Variants in AFF3 observed in about 807,000 individuals in gnomAD.
The protein encoded by AFF3 is AF4/FMR2 family member 3.
In AFF3, 32 loss-of-function variants were observed where a neutral mutation model predicts 129.7. The ratio of observed to expected loss-of-function variants is 0.25; its 90% CI spans 0.19 to 0.33. The LOEUF (loss-of-function observed/expected upper bound fraction) is 0.33. Ranked by LOEUF, AFF3 falls within the 10% of genes least tolerant of loss-of-function variation. The pLI, the probability that AFF3 is intolerant of heterozygous loss-of-function variation, is 1.00. For missense variants in AFF3, 1,373 were observed against 1,592.0 expected (o/e 0.86, Z 2.34); for synonymous variants, 644 against 635.4 (o/e 1.01, Z -0.20).
At chr2:99,750,423 T>C (rs1298900659) in intron 9 of AFF3, among the ~76,000 whole-genome samples, 7 of 149,184 alleles carry the variant, frequency 4.7e-5, no homozygotes, top group Non-Finnish European at 8.9e-5. Flanking sequence ...CTTTTCTTTT[T>C]TTTTTTTTTG....
At chr2:100,017,357 T>C (rs1388204327) in intron 4 of AFF3, among the ~76,000 whole-genome samples, 2 of 152,176 alleles carry the variant, frequency 1.3e-5, no homozygotes, top group Admixed American at 6.5e-5. Flanking sequence ...CCCCTTTTAC[T>C]TGTTTGTCTC....
chr2:99,657,812 C>G (rs1164595330), intron 12 of AFF3, among the ~76,000 whole-genome samples: 2 of 152,152 alleles, frequency 1.3e-5, no homozygotes, highest in Non-Finnish European at 1.5e-5. Flanking sequence ...TTAGGGTTGA[C>G]CATACCAGAT....
chr2:99,816,495 C>T (rs1244469387), intron 8 of AFF3, among the ~76,000 whole-genome samples: 1 of 152,170 alleles, frequency 6.6e-6, no homozygotes, highest in Non-Finnish European at 1.5e-5. Context: ...TGCCTTCCTC[C>T]TCTGTTAGTT....
At chr2:100,045,387 A>G (rs769513427) in intron 4 of AFF3, among the ~76,000 whole-genome samples, 1 of 152,176 alleles carries the variant, frequency 6.6e-6, no homozygotes, top group Non-Finnish European at 1.5e-5. Flanking sequence ...CTTAATAAGA[A>G]CAGCAGCTCC....
chr2:100,044,039 A>C (rs1273137828), intron 4 of AFF3, among the ~76,000 whole-genome samples: 1 of 152,152 alleles, frequency 6.6e-6, no homozygotes, highest in Admixed American at 6.5e-5. Flanking sequence ...CTCCATCTCT[A>C]GTAATTAGAG....
intron 9 of AFF3, among the ~76,000 whole-genome samples, chr2:99,749,258 TTAAA>T (rs1196620205): frequency 2.2e-4 from 34 of 152,252 alleles, no homozygotes; most frequent in Non-Finnish European, 2.9e-5. Context: ...GTTGTTTACC[TTAAA>T]TACATACAAT....
chr2:99,966,205 G>A (rs1164498821), intron 7 of AFF3, among the ~76,000 whole-genome samples: 1 of 152,048 alleles, frequency 6.6e-6, no homozygotes, highest in East Asian at 1.9e-4. Context: ...TAGCCTGTCA[G>A]GTAAAAAGCA....
At chr2:99,564,093 CA>C (rs1241069047) in intron 20 of AFF3, among the ~76,000 whole-genome samples, 1 of 152,130 alleles carries the variant, frequency 6.6e-6, no homozygotes, top group Non-Finnish European at 1.5e-5. Flanking sequence ...CATGATACTC[CA>C]GTTCACAGCA....
At chr2:99,953,008 G>A (rs1174399996) in intron 7 of AFF3, among the ~76,000 whole-genome samples, 1 of 152,226 alleles carries the variant, frequency 6.6e-6, no homozygotes, top group African/African-American at 2.4e-5. Context: ...AGTGCTCCAT[G>A]GTGCCTGAGG....
chr2:99,919,368 T>C (rs1695702626), intron 7 of AFF3, among the ~76,000 whole-genome samples: 1 of 152,154 alleles, frequency 6.6e-6, no homozygotes, highest in Non-Finnish European at 1.5e-5. Context: ...GTCTATATAT[T>C]TCTGGAGGTG....
intron 4 of AFF3, among the ~76,000 whole-genome samples, chr2:100,071,160 C>T (rs553784404): frequency 3.1e-4 from 47 of 152,248 alleles, no homozygotes; most frequent in African/African-American, 9.9e-4. Flanking sequence ...CAATTTAATG[C>T]TACATTTCTT....
chr2:99,750,346 A>G (rs1052023498), intron 9 of AFF3, among the ~76,000 whole-genome samples: 6 of 152,080 alleles, frequency 3.9e-5, no homozygotes, highest in Non-Finnish European at 7.4e-5. Context: ...TCATACAGAC[A>G]CACTGATAAA....
chr2:99,773,124 G>C (rs545510298), intron 8 of AFF3, among the ~76,000 whole-genome samples: 1 of 152,154 alleles, frequency 6.6e-6, no homozygotes, highest in Non-Finnish European at 1.5e-5. Context: ...GACTCACACT[G>C]TTCAGGAAAC....
chr2:99,706,118 C>T (rs998832778), intron 11 of AFF3, among the ~76,000 whole-genome samples: 2 of 152,050 alleles, frequency 1.3e-5, no homozygotes, highest in Non-Finnish European at 2.9e-5. Flanking sequence ...AGGTTTGGGA[C>T]CTCTCGAGTT....
chr2:99,970,414 C>T (rs777813156), intron 7 of AFF3, among the ~76,000 whole-genome samples: 35 of 152,292 alleles, frequency 2.3e-4, no homozygotes, highest in Non-Finnish European at 4.0e-4. Flanking sequence ...CCTCACCTCC[C>T]GTTTCCTTTC....
chr2:99,855,419 T>C (rs1690451514), intron 7 of AFF3, among the ~76,000 whole-genome samples: 2 of 152,102 alleles, frequency 1.3e-5, no homozygotes. Flanking sequence ...TAACCAGACT[T>C]TACAACTCTT....
At chr2:100,111,077 A>G (rs1488110195) in intron 2 of AFF3, among the ~76,000 whole-genome samples, 1 of 152,218 alleles carries the variant, frequency 6.6e-6, no homozygotes, top group Non-Finnish European at 1.5e-5. Context: ...TCTGAAGTTA[A>G]AAGGAGGCTA....
At chr2:99,892,977 T>C (rs1300959129) in intron 7 of AFF3, among the ~76,000 whole-genome samples, 4 of 151,550 alleles carry the variant, frequency 2.6e-5, no homozygotes, top group African/African-American at 7.3e-5. Context: ...ACTTGGGGGG[T>C]GACCAATGCC....
At chr2:99,813,443 T>C (rs1163163142) in intron 8 of AFF3, among the ~76,000 whole-genome samples, 1 of 151,802 alleles carries the variant, frequency 6.6e-6, no homozygotes, top group Non-Finnish European at 1.5e-5. Flanking sequence ...TAGGTCTTAA[T>C]AAGAATTCAC....
Sources: allele counts gnomAD v4.1 joint callset (sites outside exome capture counted in the v4.1 genomes callset), GRCh38; gene constraint gnomAD v4.1.1; transcripts MANE v1.5; gene names NCBI Gene and HGNC (gene_info 2026-07-23, HGNC 2026-07-21).